The following ZNG1A variants were observed in gnomAD, a reference collection of about 807,000 sequenced individuals.
The protein encoded by ZNG1A is zinc-regulated GTPase metalloprotein activator 1A.
the ZNG1A span, chr9:154,448 G>C: frequency 2.0e-6 from 1 of 512,158 alleles, no homozygotes; most frequent in South Asian, 3.3e-5. Context: ...TCAAAGAGAA[G>C]ACAGGAAAAG....
At chr9:137,418 TC>T in the ZNG1A span, among the ~76,000 whole-genome samples, 1 of 149,280 alleles carries the variant, frequency 6.7e-6, no homozygotes, top group South Asian at 2.1e-4. Context: ...TTTCATTTGT[TC>T]CCCTTGTAAA....
chr9:178,297 CA>C, the ZNG1A span, among the ~76,000 whole-genome samples: 7 of 150,026 alleles, frequency 4.7e-5, 1 homozygote, highest in South Asian at 1.3e-3. Context: ...AAACAGACCT[CA>C]AAAAAAAAGT....
the ZNG1A span, among the ~76,000 whole-genome samples, chr9:158,488 T>A: frequency 1.3e-5 from 2 of 150,500 alleles, no homozygotes; most frequent in Non-Finnish European, 2.9e-5. Flanking sequence ...TATTTGGCTA[T>A]GAGTTTGTGA....
the ZNG1A span, chr9:121,494 A>G: frequency 6.2e-7 from 1 of 1,611,562 alleles, no homozygotes; most frequent in Non-Finnish European, 8.5e-7. Context: ...CTTCTTGGAA[A>G]CGTGTTGTCC....
At chr9:175,906 T>C in the ZNG1A span, 10,566 of 1,403,884 alleles carry the variant, frequency 7.5e-3, 304 homozygotes, top group Non-Finnish European at 8.0e-3. Context: ...TATTTTAGCA[T>C]AGAATATCCT....
chr9:154,526 G>A, the ZNG1A span: 2 of 594,588 alleles, frequency 3.4e-6, no homozygotes, highest in Admixed American at 3.1e-5. Flanking sequence ...AAGCACTGGG[G>A]ACTAATTTTA....
At chr9:178,630 GC>G in the ZNG1A span, among the ~76,000 whole-genome samples, 1 of 104,356 alleles carries the variant, frequency 9.6e-6, no homozygotes, top group East Asian at 2.4e-4. Flanking sequence ...CGCAGAGGGG[GC>G]CGGGCATCAT....
At chr9:155,489 T>A in the ZNG1A span, among the ~76,000 whole-genome samples, 1 of 152,096 alleles carries the variant, frequency 6.6e-6, no homozygotes, top group Non-Finnish European at 1.5e-5. Context: ...TTTATCACTA[T>A]AAATATACTG....
the ZNG1A span, among the ~76,000 whole-genome samples, chr9:131,157 C>T: frequency 7.9e-6 from 1 of 127,162 alleles, no homozygotes; most frequent in African/African-American, 3.2e-5. Context: ...TATACTAGGT[C>T]CTAGGTATTA....
the ZNG1A span, among the ~76,000 whole-genome samples, chr9:164,783 A>C: frequency 6.6e-6 from 1 of 151,734 alleles, no homozygotes; most frequent in African/African-American, 2.4e-5. Context: ...AGGGCTGTCT[A>C]AAAGAATGAG....
the ZNG1A span, among the ~76,000 whole-genome samples, chr9:174,821 T>A: frequency 1.9e-4 from 29 of 151,046 alleles, no homozygotes; most frequent in Admixed American, 2.0e-4. Context: ...TCTATAAAGA[T>A]AACAGAAGTA....
the ZNG1A span, chr9:175,884 T>G: frequency 7.1e-7 from 1 of 1,398,788 alleles, no homozygotes; most frequent in Non-Finnish European, 9.5e-7. Context: ...TTGCGTGCTA[T>G]TTTTCATATA....
the ZNG1A span, among the ~76,000 whole-genome samples, chr9:161,109 A>C: frequency 1.4e-4 from 22 of 152,140 alleles, no homozygotes; most frequent in African/African-American, 5.1e-4. Flanking sequence ...CTATTTGACA[A>C]ACCTGACATA....
At chr9:163,500 T>C in the ZNG1A span, among the ~76,000 whole-genome samples, 2 of 152,128 alleles carry the variant, frequency 1.3e-5, no homozygotes, top group Non-Finnish European at 2.9e-5. Flanking sequence ...TCTGGGGTTT[T>C]TTAATCTATA....
chr9:152,242 AT>A, the ZNG1A span, among the ~76,000 whole-genome samples: 10 of 152,118 alleles, frequency 6.6e-5, no homozygotes, highest in African/African-American at 2.4e-4. Context: ...GCTTTAAAAA[AT>A]AATTGTGATT....
chr9:124,028 A>G, the ZNG1A span, among the ~76,000 whole-genome samples: 1 of 152,234 alleles, frequency 6.6e-6, no homozygotes, highest in Non-Finnish European at 1.5e-5. Flanking sequence ...CTGAATAAGC[A>G]TGTGCCAAGA....
At chr9:154,952 G>T in the ZNG1A span, among the ~76,000 whole-genome samples, 1 of 152,108 alleles carries the variant, frequency 6.6e-6, no homozygotes, top group Non-Finnish European at 1.5e-5. Context: ...CTCTATAGGA[G>T]TGACTCAGTT....
the ZNG1A span, among the ~76,000 whole-genome samples, chr9:167,790 C>A: frequency 6.8e-6 from 1 of 146,796 alleles, no homozygotes; most frequent in South Asian, 2.2e-4. Context: ...AATGATTATG[C>A]TTAGTGAGGA....
the ZNG1A span, among the ~76,000 whole-genome samples, chr9:160,469 C>G: frequency 2.6e-5 from 4 of 151,910 alleles, no homozygotes; most frequent in African/African-American, 9.7e-5. Flanking sequence ...CTTAGAAAAT[C>G]TAAAGTTTCC....
Sources: gnomAD v4.1 joint callset for allele counts (sites outside exome capture counted in the v4.1 genomes callset) on GRCh38, gnomAD v4.1.1 for gene constraint, MANE v1.5 for transcripts, NCBI Gene and HGNC (gene_info 2026-07-23, HGNC 2026-07-21) for gene names.